The following ZNF641 variants were observed in gnomAD, a reference collection of about 807,000 sequenced individuals.
ZNF641 encodes zinc finger protein 641.
A neutral mutation model predicts 46.2 loss-of-function variants in ZNF641; 26 were observed. The ratio of observed to expected loss-of-function variants is 0.56; its 90% confidence interval spans 0.41 to 0.78. ZNF641 has a LOEUF of 0.78. Ranked by LOEUF, ZNF641 falls within the 30% of genes least tolerant of loss-of-function variation. The pLI is 0.00. For missense variants in ZNF641, 469 were observed against 517.8 expected (o/e 0.91, Z 0.91); for synonymous variants, 163 against 187.9 (o/e 0.87, Z 1.09).
Position 48,342,192 on chromosome 12 carries a change from T to C in ZNF641, c.*781A>G, listed in dbSNP as rs181194621. On this transcript the variant is annotated 3_prime_UTR_variant, in exon 6 of 6. Coordinates refer to ENST00000547026, the MANE Select transcript of ZNF641 (RefSeq NM_001172681.2). Reference sequence around the variant, plus strand: ...ATCATCTCTTAGCCTTGTAGTGTGATCTCTCAGCTGGATATATGTATGTGC... The same window carrying C: ...ATCATCTCTTAGCCTTGTAGTGTGACCTCTCAGCTGGATATATGTATGTGC... The C allele has an allele frequency of 1.2e-5, 12 of 985,422 alleles. No individual in the cohort carries two copies. The highest frequency in any genetic ancestry group is 2.3e-4 in the East Asian group (2 of 8,818). 61.0% of individuals were successfully genotyped at this position (985,422 alleles called of 1,614,324 possible).
rs546876176 is a variant in ZNF641 at position 48,343,200 on chromosome 12, G to A, written c.1048C>T (p.Arg350Cys). 2.7e-5 allele frequency: 44 copies of A among 1,614,152 alleles called. No homozygotes were observed. The highest frequency in any genetic ancestry group is 2.4e-4 in the South Asian group (22 of 91,088). Residue 350 changes from arginine to cysteine, a missense_variant, in exon 6 of 6, where the codon CGT becomes TGT. This residue lies in a region of ZNF641 where 346 missense variants were observed against 354.0 expected (regional missense o/e 0.98). Transcript: ENST00000547026. ...GESPGTRKRQRAPPVPKCHVC... is the reference protein window; with the variant it reads ...GESPGTRKRQCAPPVPKCHVC... ...TGACACTTTGGCACTGGTGGGGCACGCTGCCGTTTCCTTGTGCCAGGGCTC... is the reference window on the plus strand; with the variant it reads ...TGACACTTTGGCACTGGTGGGGCACACTGCCGTTTCCTTGTGCCAGGGCTC...
intron 2 of ZNF641, among the ~76,000 whole-genome samples, chr12:48,347,660 G>A (rs1952915885): frequency 1.3e-5 from 2 of 152,192 alleles, no homozygotes; most frequent in South Asian, 4.1e-4. Flanking sequence ...CCCTCATTCA[G>A]TATCACTAAT....
At chr12:48,335,518 G>T (rs908486038), downstream of ZNF641, among the ~76,000 whole-genome samples, 1 of 152,070 alleles carries the variant, frequency 6.6e-6, no homozygotes, top group Non-Finnish European at 1.5e-5. Context: ...AATTTATTAA[G>T]TGCCCACCAT....
chr12:48,351,068 G>A (rs932629611), upstream of ZNF641: 2 of 155,500 alleles, frequency 1.3e-5, no homozygotes, highest in African/African-American at 4.8e-5. Context: ...CGGGGCTGCG[G>A]CTCAGGCGCC....
At position 48,343,319 on chromosome 12, in the gene ZNF641, T is replaced by A; in HGVS notation, c.929A>T (p.Glu310Val). 1 of 1,614,184 alleles carries A rather than the reference T, an allele frequency of 6.2e-7. No individual in the cohort carries two copies. The highest frequency in any genetic ancestry group is 1.1e-5 in the South Asian group (1 of 91,082). Residue 310 changes from glutamate to valine, a missense_variant, in exon 6 of 6, where the codon GAG (glutamate) becomes GTG (valine). Around this residue, in one of 3 missense-constraint regions of ZNF641, gnomAD observed 346 missense variants for 354.0 expected, o/e 0.98. Coordinates refer to ENST00000547026, the MANE Select transcript of ZNF641 (RefSeq NM_001172681.2). Reference sequence around the variant, plus strand: ...GTTGCATCGGAAATTCTTACCACACTCAGAGCACCTGCTGGTCTTGTCATG... The same window carrying A: ...GTTGCATCGGAAATTCTTACCACACACAGAGCACCTGCTGGTCTTGTCATG... ...HLHDKTSRCS[E>V]CGKNFRCNSH...
At chr12:48,335,180 G>A (rs1952595707), downstream of ZNF641, among the ~76,000 whole-genome samples, 1 of 152,172 alleles carries the variant, frequency 6.6e-6, no homozygotes, top group South Asian at 2.1e-4. Flanking sequence ...CCAGAACTCA[G>A]CCTCATTTCT....
chr12:48,341,527 G>A lies in ZNF641; in HGVS notation c.*1446C>T, dbSNP rs1022040364. 1.2e-5 allele frequency: 12 copies of A among 985,312 alleles called. No individual in the cohort carries two copies. In the African/African-American group the frequency reaches 2.1e-4, roughly 17 times the overall value. 61.0% of individuals were successfully genotyped at this position (985,312 alleles called of 1,614,324 possible). A position where few individuals can be genotyped will look rare whatever the true frequency, so the allele number is the denominator to read the frequency against. ...GAAAGCTTATTACCCTGCAGCAGCT[G>A]AAAAGCTAAGCCACAGCCATTTTCC... On this transcript the variant is annotated 3_prime_UTR_variant, in exon 6 of 6. Coordinates refer to ENST00000547026, the MANE Select transcript of ZNF641 (RefSeq NM_001172681.2).
At position 48,343,334 on chromosome 12, in the gene ZNF641, G is replaced by T. The variant is rs760568547; in HGVS notation, c.914C>A (p.Thr305Asn). Residue 305 changes from threonine to asparagine, a missense_variant, in exon 6 of 6, where the codon ACC becomes AAC. Around this residue, in one of 3 missense-constraint regions of ZNF641, gnomAD observed 346 missense variants for 354.0 expected, o/e 0.98. Transcript: ENST00000547026. ...CTTACCACACTCAGAGCACCTGCTG[G>T]TCTTGTCATGTAGGTGGGTTTTCTG... ...RHQKTHLHDK[T>N]SRCSECGKNF... The T allele has an allele frequency of 3.7e-6, 6 of 1,614,198 alleles. No individual in the cohort carries two copies. The Admixed American group carries it at 1.0e-4, about 27-fold the overall frequency.
chr12:48,350,269 T>C (rs1198899385), intron 1 of ZNF641: 1 of 1,420,878 alleles, frequency 7.0e-7, no homozygotes, highest in African/African-American at 1.4e-5. Flanking sequence ...AAAGGGGCCA[T>C]GTTATAAAAA....
At chr12:48,350,741 G>GTCCCTCCCTCCAGCCGCAGC (rs1408762300) in intron 1 of ZNF641, 45 bp downstream of exon 1, 4 of 836,644 alleles carry the variant, frequency 4.8e-6, no homozygotes, top group Non-Finnish European at 5.8e-6. Context: ...GAAGCCAGGC[G>GTCCCTCCCTCCAGCCGCAGC]TCCCTCCCTC....
rs1952653254 is a variant in ZNF641, at chr12:48,338,658, C to G, written c.*4315G>C. 2 of 152,246 alleles carry G rather than the reference C, an allele frequency of 1.3e-5. No individual in the cohort carries two copies. 9.4% of individuals were successfully genotyped at this position (152,246 alleles called of 1,614,324 possible). ...GGCACCATGGCTTCATTGGTTACAACCTCTACCTAGTAAGCAGAGTCTGGA... is the reference window on the plus strand; with the variant it reads ...GGCACCATGGCTTCATTGGTTACAAGCTCTACCTAGTAAGCAGAGTCTGGA... On this transcript the variant is annotated 3_prime_UTR_variant, in exon 6 of 6. Coordinates refer to ENST00000547026, the MANE Select transcript of ZNF641 (RefSeq NM_001172681.2).
At chr12:48,343,851 G>C in intron 5 of ZNF641, 124 bp from the exon 6 acceptor site, 1 of 893,030 alleles carries the variant, frequency 1.1e-6, no homozygotes, top group East Asian at 2.7e-5. Flanking sequence ...AGGGCTGAGA[G>C]AACATAGTCT....
In ZNF641 at chr12:48,343,563, GA is replaced by G; in HGVS notation, c.684del (p.Leu229PhefsTer19). The G allele has an allele frequency of 6.2e-7, 1 of 1,605,308 alleles. No homozygotes were observed. Among genetic ancestry groups the G allele is most frequent in the Non-Finnish European group, 8.5e-7 (1 of 1,174,810 alleles). ...SSRGMLLGPP[F>X]LQEDSFSNLL... The stretch of plus-strand genomic sequence containing the variant: ...AGGTTTGAGAAACTATCTTCCTGAA[GA>G]AAAGGGGGCCCCAGGAGCATTCCTC... On this transcript the variant is annotated frameshift_variant, in exon 6 of 6. Transcript: ENST00000547026. LOFTEE classifies it high-confidence loss of function.
chr12:48,344,303 C>G (rs1185115700), intron 5 of ZNF641: 1 of 201,658 alleles, frequency 5.0e-6, no homozygotes, highest in Non-Finnish European at 1.0e-5. Flanking sequence ...GTGCTTGGCA[C>G]TGTTCTATTC....
chr12:48,337,284 T>C lies in ZNF641; in HGVS notation c.*5689A>G, dbSNP rs953728419. The C allele has an allele frequency of 1.3e-5, 2 of 152,118 alleles. No homozygotes were observed. Among genetic ancestry groups the C allele is most frequent in the Admixed American group, 6.5e-5 (1 of 15,274 alleles). The allele number at this position is 152,118 out of a possible 1,614,324, so 9.4% of individuals were successfully genotyped here. On this transcript the variant is annotated 3_prime_UTR_variant, in exon 6 of 6. Coordinates refer to ENST00000547026, the MANE Select transcript of ZNF641 (RefSeq NM_001172681.2). ...CATCAGAAGGAACCAATTCAGATAA[T>C]AGCTAGAAATCTGATAGGCACGGAG...
At position 48,337,785 on chromosome 12, in the gene ZNF641, C is replaced by A. The variant is rs562695027; in HGVS notation, c.*5188G>T. On this transcript the variant is annotated 3_prime_UTR_variant, in exon 6 of 6. Coordinates refer to ENST00000547026, the MANE Select transcript of ZNF641 (RefSeq NM_001172681.2). ...CGGAGCTTGCAGTGAGCCGAGATCG[C>A]GTCACTGCACTCCAGCCTGGGTGAC... 1 of 150,460 alleles carries A rather than the reference C, an allele frequency of 6.6e-6. No individual in the cohort carries two copies. Among genetic ancestry groups the A allele is most frequent in the East Asian group, 2.0e-4 (1 of 5,124 alleles). 9.3% of individuals were successfully genotyped at this position (150,460 alleles called of 1,614,324 possible).
intron 1 of ZNF641, chr12:48,350,045 C>G: frequency 6.2e-7 from 1 of 1,614,172 alleles, no homozygotes; most frequent in Non-Finnish European, 8.5e-7. Flanking sequence ...GGGATGGGTA[C>G]CTGTCCTCAG....
rs1303064829 is a variant in ZNF641 at position 48,343,162 on chromosome 12, T to C, written c.1086A>G (p.Glu362=). The C allele has an allele frequency of 6.2e-7, 1 of 1,614,044 alleles. No individual in the cohort carries two copies. The highest frequency in any genetic ancestry group is 1.1e-5 in the South Asian group (1 of 91,072). The stretch of plus-strand genomic sequence containing the variant: ...GCCTTCGGCCAAAGCTCTTCCCACA[T>C]TCAGTGCACACGTGACACTTTGGCA... The part of the protein sequence containing the change: ...PPVPKCHVCT[E]CGKSFGRRHH... Residue 362 remains glutamate (E), a synonymous_variant, in exon 6 of 6, where the codon GAA becomes GAG. Coordinates refer to ENST00000547026, the MANE Select transcript of ZNF641 (RefSeq NM_001172681.2).
At position 48,340,038 on chromosome 12, in the gene ZNF641, A is replaced by T; in HGVS notation, c.*2935T>A. Reference sequence around the variant, plus strand: ...CATTTTGCCCAAAGAGAACACAGAGATTCTTTTTATTTAAAGGGGACGGGG... The same window carrying T: ...CATTTTGCCCAAAGAGAACACAGAGTTTCTTTTTATTTAAAGGGGACGGGG... On this transcript the variant is annotated 3_prime_UTR_variant, in exon 6 of 6. Transcript: ENST00000547026. 4 of 985,444 alleles carry T rather than the reference A, an allele frequency of 4.1e-6. No individual in the cohort carries two copies. The highest frequency in any genetic ancestry group is 1.7e-5 in the African/African-American group (1 of 57,364). 61.0% of individuals were successfully genotyped at this position (985,444 alleles called of 1,614,324 possible).
Sources: gnomAD v4.1 joint callset for allele counts (sites outside exome capture counted in the v4.1 genomes callset) on GRCh38, gnomAD v4.1.1 for gene constraint, gnomAD v4.1.1 regional missense constraint, MANE v1.5 for transcripts, NCBI Gene and HGNC (gene_info 2026-07-23, HGNC 2026-07-21) for gene names.